Variants in GLIS3 observed in about 807,000 individuals in gnomAD.
GLIS3 encodes GLIS family zinc finger 3.
A neutral mutation model predicts 78.6 loss-of-function variants in GLIS3; 53 were observed. The observed-to-expected ratio is 0.67, with a 90% confidence interval of 0.54 to 0.85. GLIS3 has a LOEUF of 0.85. Among genes scored for constraint, GLIS3 ranks in the 40% least tolerant of loss-of-function variants. GLIS3 has a pLI of 0.00. For synonymous variants in GLIS3, 684 were observed against 509.9 expected (o/e 1.34, Z -4.60); for missense variants, 1,703 against 1,231.1 (o/e 1.38, Z -5.74).
At chr9:4,278,988 A>G (rs1280231949) in intron 2 of GLIS3, among the ~76,000 whole-genome samples, 1 of 152,146 alleles carries the variant, frequency 6.6e-6, no homozygotes, top group African/African-American at 2.4e-5. Flanking sequence ...GGAACAAGAC[A>G]ACTCACCTAA....
At chr9:4,160,080 G>C (rs906797364) in intron 2 of GLIS3, among the ~76,000 whole-genome samples, 3 of 152,180 alleles carry the variant, frequency 2.0e-5, no homozygotes, top group African/African-American at 7.2e-5. Context: ...AGGATGAGGA[G>C]ACAGAGGAAA....
At chr9:4,236,573 G>A (rs996426996) in intron 2 of GLIS3, among the ~76,000 whole-genome samples, 1 of 151,982 alleles carries the variant, frequency 6.6e-6, no homozygotes, top group African/African-American at 2.4e-5. Context: ...AAACCTGGGT[G>A]GAAAAAAATA....
intron 2 of GLIS3, among the ~76,000 whole-genome samples, chr9:4,216,980 A>T (rs1353256029): frequency 6.6e-6 from 1 of 152,234 alleles, no homozygotes; most frequent in Admixed American, 6.5e-5. Context: ...TCAAAGGAGA[A>T]TGGAGCCACA....
Position 3,828,167 on chromosome 9 carries a change from C to G in GLIS3, c.*105G>C, listed in dbSNP as rs1817826084. ...AACATCAGTAACTCTGCAGGGCCCGCTGATTGGGCTGACATCCTTCCTCAA... is the reference window on the plus strand; with the variant it reads ...AACATCAGTAACTCTGCAGGGCCCGGTGATTGGGCTGACATCCTTCCTCAA... On this transcript the variant is annotated 3_prime_UTR_variant, in exon 11 of 11. Coordinates refer to ENST00000381971, the MANE Select transcript of GLIS3 (RefSeq NM_001042413.2). 24 of 1,357,394 alleles carry G rather than the reference C, an allele frequency of 1.8e-5. No homozygotes were observed. The highest frequency in any genetic ancestry group is 2.5e-5 in the Non-Finnish European group (24 of 954,958). The allele number at this position is 1,357,394 out of a possible 1,614,324, so 84.1% of individuals were successfully genotyped here.
chr9:4,433,791 T>C, the GLIS3 span, among the ~76,000 whole-genome samples: 1 of 152,172 alleles, frequency 6.6e-6, no homozygotes. Flanking sequence ...GTGGTGTAAT[T>C]TGTTCTGATA....
chr9:4,472,640 G>A, the GLIS3 span, among the ~76,000 whole-genome samples: 3 of 152,168 alleles, frequency 2.0e-5, no homozygotes, highest in Admixed American at 6.5e-5. Context: ...ATAGCATTAG[G>A]AGATATACCT....
chr9:4,440,257 AT>A, the GLIS3 span, among the ~76,000 whole-genome samples: 2 of 152,188 alleles, frequency 1.3e-5, no homozygotes, highest in African/African-American at 2.4e-5. Context: ...ATCCAAAAAA[AT>A]ATTTGCCCAT....
chr9:3,906,312 C>T (rs1442465674), intron 6 of GLIS3, among the ~76,000 whole-genome samples: 1 of 152,156 alleles, frequency 6.6e-6, no homozygotes, highest in East Asian at 1.9e-4. Flanking sequence ...GGGGCTATTA[C>T]AACAATCTGG....
chr9:4,378,217 T>TAA, the GLIS3 span, among the ~76,000 whole-genome samples: 3 of 152,282 alleles, frequency 2.0e-5, no homozygotes, highest in East Asian at 5.8e-4. Flanking sequence ...TATATATATA[T>TAA]AATTAATCCT....
At chr9:4,165,967 A>T (rs1316969593) in intron 2 of GLIS3, among the ~76,000 whole-genome samples, 2 of 152,148 alleles carry the variant, frequency 1.3e-5, no homozygotes, top group Non-Finnish European at 2.9e-5. Context: ...AGTAGGAGGG[A>T]GCTGGGTGGA....
At chr9:4,392,338 A>G in the GLIS3 span, among the ~76,000 whole-genome samples, 1 of 152,186 alleles carries the variant, frequency 6.6e-6, no homozygotes, top group Non-Finnish European at 1.5e-5. Flanking sequence ...GCAAACCACC[A>G]TGGCACACGT....
At chr9:4,257,794 C>G (rs745427785) in intron 2 of GLIS3, among the ~76,000 whole-genome samples, 8 of 151,982 alleles carry the variant, frequency 5.3e-5, no homozygotes, top group Non-Finnish European at 1.2e-4. Flanking sequence ...GGGATGGTCT[C>G]GATCTCCTGA....
At chr9:4,249,816 T>A (rs999700813) in intron 2 of GLIS3, among the ~76,000 whole-genome samples, 1 of 152,120 alleles carries the variant, frequency 6.6e-6, no homozygotes, top group Non-Finnish European at 1.5e-5. Flanking sequence ...TTATTGAGAG[T>A]TTTTAGCATG....
the GLIS3 span, among the ~76,000 whole-genome samples, chr9:4,372,464 A>C: frequency 2.6e-5 from 4 of 151,788 alleles, no homozygotes; most frequent in African/African-American, 9.7e-5. Flanking sequence ...CATGCAAACC[A>C]ACCAGTCCAG....
the GLIS3 span, among the ~76,000 whole-genome samples, chr9:4,438,232 A>G: frequency 2.6e-5 from 4 of 152,234 alleles, no homozygotes; most frequent in Admixed American, 2.0e-4. Flanking sequence ...AGGCTAAAGT[A>G]ATGAATGTTC....
chr9:3,900,850 C>T (rs915763541), intron 6 of GLIS3: 1 of 152,066 alleles, frequency 6.6e-6, no homozygotes, highest in Admixed American at 6.5e-5. Flanking sequence ...GAACGGGCCA[C>T]ACCACGGTTG....
intron 8 of GLIS3, among the ~76,000 whole-genome samples, chr9:3,857,284 C>T (rs1251242105): frequency 6.6e-6 from 1 of 152,188 alleles, no homozygotes; most frequent in Non-Finnish European, 1.5e-5. Flanking sequence ...TGCAGTAACA[C>T]GTATAGGTCA....
chr9:3,986,899 G>A (rs1450572749), intron 4 of GLIS3, among the ~76,000 whole-genome samples: 15 of 152,208 alleles, frequency 9.9e-5, no homozygotes, highest in Admixed American at 9.8e-4. Context: ...CATATGAAAT[G>A]TGCAGGATAT....
chr9:4,250,103 G>C (rs984411183), intron 2 of GLIS3, among the ~76,000 whole-genome samples: 2 of 152,122 alleles, frequency 1.3e-5, no homozygotes, highest in African/African-American at 4.8e-5. Flanking sequence ...ATCTCTGCCA[G>C]GTTTTGGTAT....
Sources: gnomAD v4.1 joint callset for allele counts (sites outside exome capture counted in the v4.1 genomes callset) on GRCh38, gnomAD v4.1.1 for gene constraint, MANE v1.5 for transcripts, NCBI Gene and HGNC (gene_info 2026-07-23, HGNC 2026-07-21) for gene names.